Variants in JAK3 observed in about 807,000 individuals in gnomAD.
JAK3 encodes the protein tyrosine-protein kinase JAK3.
A neutral mutation model predicts 120.8 loss-of-function variants in JAK3; 88 were observed. The observed-to-expected ratio is 0.73, with a 90% CI of 0.61 to 0.87. The LOEUF (loss-of-function observed/expected upper bound fraction) is 0.87, where lower values mean the gene tolerates loss of function less well. Ranked by LOEUF, JAK3 falls within the 40% of genes least tolerant of loss-of-function variation. The pLI, the probability that JAK3 is intolerant of heterozygous loss-of-function variation, is 0.00. For missense variants in JAK3, 1,254 were observed against 1,501.4 expected, an observed-to-expected ratio of 0.84 and a Z score of 2.72; for synonymous variants, 592 against 628.6, an observed-to-expected ratio of 0.94 and a Z score of 0.87.
chr19:17,844,523 G>A, intron 1 of JAK3, 93 bp from the exon 2 acceptor site: 1 of 1,161,868 alleles, frequency 8.6e-7, no homozygotes, highest in Non-Finnish European at 1.2e-6. Context: ...TGGAGGCCGG[G>A]TGCGGTGGCT....
chr19:17,831,689 G>C lies in JAK3; in HGVS notation c.2790C>G (p.Ser930=). ...RLDASRLLLY[S]SQICKGMEYL... is the part of the protein sequence containing the mutation. Reference sequence around the variant, plus strand: ...CCCCTCGCACCTTGCAGATCTGCGAGGAATAGAGAAGGAGGCGGCTGGCAT... The same window carrying C: ...CCCCTCGCACCTTGCAGATCTGCGACGAATAGAGAAGGAGGCGGCTGGCAT... The change falls in exon 20 of 24, where the codon TCC becomes TCG. Residue 930 remains serine, a synonymous_variant. Coordinates refer to ENST00000458235, the MANE Select transcript of JAK3 (RefSeq NM_000215.4). The surrounding 1 kb of genome is among the most constrained non-coding windows in gnomAD (Gnocchi z 5.1). 2 of 1,609,450 alleles carry C rather than the reference G, an allele frequency of 1.2e-6. No homozygotes were observed. Among genetic ancestry groups the C allele is most frequent in the South Asian group, 2.2e-5 (2 of 90,534 alleles).
intron 1 of JAK3, among the ~76,000 whole-genome samples, chr19:17,847,435 A>G (rs546618269): frequency 6.6e-6 from 1 of 152,274 alleles, no homozygotes; most frequent in East Asian, 1.9e-4. Flanking sequence ...AGAAAACGCC[A>G]TAGTTTTTTT....
At chr19:17,835,882 T>C (rs1416008654) in intron 14 of JAK3, 42 bp downstream of exon 14, 2 of 1,611,950 alleles carry the variant, frequency 1.2e-6, no homozygotes, top group Admixed American at 3.3e-5. Context: ...AGAGAAAGCC[T>C]TCCCTGGGAA....
intron 13 of JAK3, chr19:17,836,708 C>G: frequency 2.3e-6 from 1 of 428,640 alleles, no homozygotes; most frequent in Non-Finnish European, 4.4e-6. Flanking sequence ...TTGCCCAACC[C>G]CCAGGCTGGC....
chr19:17,830,790 G>T (rs1438510971), intron 21 of JAK3, among the ~76,000 whole-genome samples, 170 bp from the exon 22 acceptor site: 1 of 147,884 alleles, frequency 6.8e-6, no homozygotes, highest in Non-Finnish European at 1.5e-5. Context: ...TCCAGCCCTG[G>T]GAGGTGCCTG....
In JAK3 at chr19:17,842,905, G is replaced by A; in HGVS notation, c.566+122C>T. The A allele has an allele frequency of 5.0e-6, 7 of 1,391,980 alleles. No homozygotes were observed. In the South Asian group the frequency reaches 7.1e-5, roughly 14 times the overall value. The allele number at this position is 1,391,980 out of a possible 1,614,324, so 86.2% of individuals were successfully genotyped here. A position where few individuals can be genotyped will look rare whatever the true frequency, so the allele number is the denominator to read the frequency against. ...GGGCTGGGTTCGTGGGAGGCCCTGGGTCATAGGAACACCCTGAAAGCTTGC... is the reference window on the plus strand; with the variant it reads ...GGGCTGGGTTCGTGGGAGGCCCTGGATCATAGGAACACCCTGAAAGCTTGC... On this transcript the variant is annotated intron_variant, in intron 5 of 23. Coordinates refer to ENST00000458235, the MANE Select transcript of JAK3 (RefSeq NM_000215.4). This position sits in a 1 kb window ranked among gnomAD's most constrained non-coding sequence, Gnocchi z 6.4.
chr19:17,830,683 C>G (rs2094212356), intron 21 of JAK3, 63 bp from the exon 22 acceptor site: 3 of 1,341,338 alleles, frequency 2.2e-6, no homozygotes, highest in Non-Finnish European at 3.2e-6. Flanking sequence ...GGGGGGCAGC[C>G]TTGGAATGGG....
In JAK3 at chr19:17,839,499, G is replaced by C; in HGVS notation, c.1419C>G (p.Ser473=). 1 of 1,592,252 alleles carries C rather than the reference G, an allele frequency of 6.3e-7. No homozygotes were observed. Among genetic ancestry groups the C allele is most frequent in the East Asian group, 2.3e-5 (1 of 44,036 alleles). The change falls in exon 10 of 24, where the codon TCC becomes TCG. Residue 473 remains serine, a synonymous_variant. Transcript: ENST00000458235. ...CACCTTTGGGTCTGGGGATACAGCA[G>C]GAAGTGAGGGTCACTGCCACCCCAT... ...HVDGVAVTLT[S]CCIPRPKEKS... is the part of the protein sequence containing the mutation.
intron 13 of JAK3, 102 bp from the exon 14 acceptor site, chr19:17,836,153 C>T (rs1189777429): frequency 3.6e-6 from 5 of 1,372,078 alleles, no homozygotes; most frequent in Non-Finnish European, 4.1e-6. Flanking sequence ...AAACTCTCAT[C>T]TCTGTCTGTT....
In JAK3 at chr19:17,835,083, T is replaced by A. The variant is rs1450054520; in HGVS notation, c.2047A>T (p.Met683Leu). ...GVSPAVLSLE[M>L]LTDRIPWVAP... The stretch of plus-strand genomic sequence containing the variant: ...CCCTCCTCCACCTCCAGGAACTTAC[T>A]CTCCAGGCTTAACACAGCGGGGCTG... Residue 683 changes from methionine to leucine, a missense_variant and splice_region_variant, in exon 15 of 24, where the codon ATG becomes TTG. This residue lies in a region of JAK3 where 630 missense variants were observed against 819.8 expected (regional missense o/e 0.77). Transcript: ENST00000458235. 2 of 1,614,064 alleles carry A rather than the reference T, an allele frequency of 1.2e-6. No homozygotes were observed. The highest frequency in any genetic ancestry group is 1.7e-5 in the Admixed American group (1 of 60,010).
In JAK3 at chr19:17,843,499, G is replaced by T; in HGVS notation, c.309-8C>A. Reference sequence around the variant, plus strand: ...CAATTGGGGAAGTAAAAGCTGTGAGGAGAGGAGAGAACCCTGGGATGAAAG... The same window carrying T: ...CAATTGGGGAAGTAAAAGCTGTGAGTAGAGGAGAGAACCCTGGGATGAAAG... On this transcript the variant is annotated splice_polypyrimidine_tract_variant and splice_region_variant and intron_variant, in intron 3 of 23. Transcript: ENST00000458235. This position sits in a 1 kb window ranked among gnomAD's most constrained non-coding sequence, Gnocchi z 5.4. The T allele has an allele frequency of 6.4e-7, 1 of 1,572,538 alleles. No individual in the cohort carries two copies. Among genetic ancestry groups the T allele is most frequent in the East Asian group, 2.3e-5 (1 of 43,322 alleles).
At position 17,835,156 on chromosome 19, in the gene JAK3, C is replaced by G. The variant is rs1568403009; in HGVS notation, c.1974G>C (p.Glu658Asp). ...TGAAGGGCGGGCTCCCATCAGCCCC[C>G]TCCCGAGCCAGGAGCACCTTCCGGG... ...VSARKVLLAR[E>D]GADGSPPFIK... The change falls in exon 15 of 24, where the codon GAG (glutamate) becomes GAC (aspartate). Residue 658 changes from glutamate (E) to aspartate (D), a missense_variant. Transcript: ENST00000458235. The G allele has an allele frequency of 1.2e-6, 2 of 1,614,246 alleles. No individual in the cohort carries two copies. The highest frequency in any genetic ancestry group is 3.3e-5 in the Admixed American group (2 of 60,030).
In JAK3 at chr19:17,826,635, A is replaced by T; in HGVS notation, c.*108T>A. 8.3e-7 allele frequency: 1 copy of T among 1,209,304 alleles called. No individual in the cohort carries two copies. The highest frequency in any genetic ancestry group is 1.2e-6 in the Non-Finnish European group (1 of 812,054). The allele number at this position is 1,209,304 out of a possible 1,614,324, so 74.9% of individuals were successfully genotyped here. A position where few individuals can be genotyped will look rare whatever the true frequency, so the allele number is the denominator to read the frequency against. ...ATGCAATGTCATGGGGGTGTTCCTG[A>T]AGTAGAGGACCCTCATAAGGCCTCT... is the stretch of plus-strand genomic sequence containing the variant. On this transcript the variant is annotated 3_prime_UTR_variant, in exon 24 of 24. Coordinates refer to ENST00000458235, the MANE Select transcript of JAK3 (RefSeq NM_000215.4).
intron 17 of JAK3, among the ~76,000 whole-genome samples, chr19:17,833,982 C>A (rs1312332007): frequency 6.6e-6 from 1 of 152,096 alleles, no homozygotes; most frequent in Non-Finnish European, 1.5e-5. Context: ...AACTCCTGGG[C>A]TCAAGCGATC....
In JAK3 at chr19:17,839,578, T is replaced by C. The variant is rs1170573879; in HGVS notation, c.1340A>G (p.His447Arg). ...TFLLVGLSRP[H>R]SSLRELLATC... ...TGCCAGGAGCTCTCGAAGACTGCTGTGGGGTCGGCTGAGGCCAACCAGAAG... is the reference window on the plus strand; with the variant it reads ...TGCCAGGAGCTCTCGAAGACTGCTGCGGGGTCGGCTGAGGCCAACCAGAAG... The change falls in exon 10 of 24, where the codon CAC becomes CGC. Residue 447 changes from histidine (H) to arginine (R), a missense_variant. By Grantham distance (29) the His-to-Arg change is conservative (BLOSUM62 0). This residue lies in a region of JAK3 where 486 missense variants were observed against 503.0 expected (regional missense o/e 0.97). Coordinates refer to ENST00000458235, the MANE Select transcript of JAK3 (RefSeq NM_000215.4). The C allele has an allele frequency of 2.5e-6, 4 of 1,611,108 alleles. No individual in the cohort carries two copies. The East Asian group carries it at 6.7e-5, about 27-fold the overall frequency.
At position 17,842,372 on chromosome 19, in the gene JAK3, C is replaced by G. The variant is rs766895335; in HGVS notation, c.805G>C (p.Gly269Arg). ...PGALGGHDGLGLLRVAGDGGI... is the reference protein window; with the variant it reads ...PGALGGHDGLRLLRVAGDGGI... ...CCGTCACCAGCCACGCGGAGCAGCCCCAGCCCGTCGTGGCCACCAAGGGCC... is the reference window on the plus strand; with the variant it reads ...CCGTCACCAGCCACGCGGAGCAGCCGCAGCCCGTCGTGGCCACCAAGGGCC... The change falls in exon 6 of 24, where the codon GGG becomes CGG. Residue 269 changes from glycine (G) to arginine (R), a missense_variant. By Grantham distance (125) the Gly-to-Arg change is moderately radical. Coordinates refer to ENST00000458235, the MANE Select transcript of JAK3 (RefSeq NM_000215.4). This position sits in a 1 kb window ranked among gnomAD's most constrained non-coding sequence, Gnocchi z 6.4. 3.1e-6 allele frequency: 5 copies of G among 1,588,568 alleles called. No homozygotes were observed. Among genetic ancestry groups the G allele is most frequent in the Admixed American group, 1.7e-5 (1 of 57,930 alleles).
intron 9 of JAK3, 114 bp downstream of exon 9, chr19:17,840,114 GGT>G (rs1460790882): frequency 4.6e-5 from 34 of 740,124 alleles, no homozygotes; most frequent in Non-Finnish European, 7.5e-5. Flanking sequence ...GTTCACCGGG[GGT>G]GTCTTTTCCC....
Position 17,825,870 on chromosome 19 carries a change from C to T in JAK3, c.*873G>A, listed in dbSNP as rs1568398870. 1 of 139,130 alleles carries T rather than the reference C, an allele frequency of 7.2e-6. No homozygotes were observed. Among genetic ancestry groups the T allele is most frequent in the Non-Finnish European group, 1.5e-5 (1 of 66,506 alleles). 8.6% of individuals were successfully genotyped at this position (139,130 alleles called of 1,614,324 possible). Reference sequence around the variant, plus strand: ...GAGCCTAGATTGCGCCACTGTACTCCAGCCTGGGCGACAGAGCGAGACTCC... The same window carrying T: ...GAGCCTAGATTGCGCCACTGTACTCTAGCCTGGGCGACAGAGCGAGACTCC... On this transcript the variant is annotated 3_prime_UTR_variant, in exon 24 of 24. Coordinates refer to ENST00000458235, the MANE Select transcript of JAK3 (RefSeq NM_000215.4).
At chr19:17,829,992 C>T (rs1470726283) in intron 23 of JAK3, 116 bp downstream of exon 23, 5 of 775,734 alleles carry the variant, frequency 6.4e-6, no homozygotes, top group Admixed American at 2.0e-5. Context: ...GGATCCTCAT[C>T]GGCCTCACAC....
Sources: allele counts gnomAD v4.1 joint callset (sites outside exome capture counted in the v4.1 genomes callset), GRCh38; gene constraint gnomAD v4.1.1; regional missense constraint gnomAD v4.1.1; non-coding constraint Gnocchi (gnomAD v3.1); transcripts MANE v1.5; gene names NCBI Gene and HGNC (gene_info 2026-07-23, HGNC 2026-07-21).